CATSPERT: variants seen among roughly 807,000 people sequenced by gnomAD.
CATSPERT encodes catsper channel auxiliary subunit tau.
At chr2:201,545,539 T>C in the CATSPERT span, 44 of 1,481,146 alleles carry the variant, frequency 3.0e-5, no homozygotes, top group Non-Finnish European at 3.9e-5. Flanking sequence ...AAGTAGTTTC[T>C]TACCTACTCC....
chr2:201,554,983 G>T, the CATSPERT span: 1 of 152,110 alleles, frequency 6.6e-6, no homozygotes, highest in Non-Finnish European at 1.5e-5. Context: ...ATGCATTATA[G>T]CATTTATGGT....
At chr2:201,599,001 G>A in the CATSPERT span, among the ~76,000 whole-genome samples, 9 of 152,052 alleles carry the variant, frequency 5.9e-5, no homozygotes, top group Admixed American at 1.3e-4. Flanking sequence ...ATTCAAACTA[G>A]CCAATCCTAA....
At chr2:201,563,288 C>A in the CATSPERT span, among the ~76,000 whole-genome samples, 1 of 145,520 alleles carries the variant, frequency 6.9e-6, no homozygotes, top group African/African-American at 2.6e-5. Context: ...CCCCTCACCT[C>A]CCGGACGGGG....
the CATSPERT span, among the ~76,000 whole-genome samples, chr2:201,594,711 C>T: frequency 6.6e-5 from 10 of 151,886 alleles, no homozygotes; most frequent in Admixed American, 2.6e-4. Flanking sequence ...CTTCCCTTCT[C>T]ACTTCATTTC....
chr2:201,492,329 G>A, the CATSPERT span: 25 of 1,535,832 alleles, frequency 1.6e-5, no homozygotes, highest in South Asian at 3.0e-4. Context: ...TTTGTCATTA[G>A]TCCTGATTTT....
chr2:201,580,769 C>T, the CATSPERT span, among the ~76,000 whole-genome samples: 1 of 152,114 alleles, frequency 6.6e-6, no homozygotes, highest in Non-Finnish European at 1.5e-5. Flanking sequence ...ACTCTGAGTT[C>T]AACACAACCA....
the CATSPERT span, among the ~76,000 whole-genome samples, chr2:201,597,041 G>A: frequency 6.6e-6 from 1 of 152,138 alleles, no homozygotes; most frequent in Non-Finnish European, 1.5e-5. Flanking sequence ...AGAGACTCTG[G>A]ATTTTTTAAA....
the CATSPERT span, among the ~76,000 whole-genome samples, chr2:201,593,347 T>C: frequency 2.6e-5 from 4 of 151,576 alleles, no homozygotes; most frequent in African/African-American, 9.7e-5. Context: ...GTCTGAGAAA[T>C]AGTTTGTTAT....
At chr2:201,537,482 G>A in the CATSPERT span, 2 of 1,582,440 alleles carry the variant, frequency 1.3e-6, no homozygotes, top group East Asian at 4.5e-5. Flanking sequence ...AGGGATATCT[G>A]CTTAAACAAT....
the CATSPERT span, chr2:201,557,331 C>T: frequency 6.6e-6 from 1 of 152,214 alleles, no homozygotes; most frequent in African/African-American, 2.4e-5. Flanking sequence ...ATCATTTTTA[C>T]TTATCAAATG....
the CATSPERT span, among the ~76,000 whole-genome samples, chr2:201,563,379 A>C: frequency 1.2e-4 from 11 of 92,066 alleles, no homozygotes; most frequent in South Asian, 3.8e-4. Context: ...TGACCCCCCC[A>C]CCTCCCTCCC....
chr2:201,534,763 CTAAA>C, the CATSPERT span: 3 of 934,164 alleles, frequency 3.2e-6, no homozygotes, highest in Non-Finnish European at 3.7e-6. Context: ...ATCCACAGAT[CTAAA>C]TAAATAAGCA....
the CATSPERT span, chr2:201,492,827 T>C: frequency 3.9e-6 from 6 of 1,536,518 alleles, no homozygotes; most frequent in East Asian, 1.2e-4. Context: ...AAGTCCTCCT[T>C]GGTGATATGT....
the CATSPERT span, among the ~76,000 whole-genome samples, chr2:201,525,022 A>G: frequency 0.013 from 1,993 of 152,304 alleles, 47 homozygotes; most frequent in African/African-American, 0.045. Context: ...ACAGTGGGAG[A>G]CTTTGACACC....
the CATSPERT span, among the ~76,000 whole-genome samples, chr2:201,502,350 G>A: frequency 6.6e-6 from 1 of 151,996 alleles, no homozygotes; most frequent in African/African-American, 2.4e-5. Context: ...GACATGGGAG[G>A]ATCACGAGGT....
At chr2:201,516,392 G>A in the CATSPERT span, among the ~76,000 whole-genome samples, 6 of 152,180 alleles carry the variant, frequency 3.9e-5, no homozygotes, top group Non-Finnish European at 5.9e-5. Flanking sequence ...AGAGAAGCAA[G>A]CACCTTCTTT....
the CATSPERT span, chr2:201,494,625 G>A: frequency 3.9e-6 from 6 of 1,537,100 alleles, no homozygotes; most frequent in Admixed American, 9.8e-5. Flanking sequence ...GAGGATCCTG[G>A]TCTTCATGCT....
chr2:201,515,147 G>T, the CATSPERT span, among the ~76,000 whole-genome samples: 1 of 140,014 alleles, frequency 7.1e-6, no homozygotes, highest in Non-Finnish European at 1.5e-5. Context: ...GGGGATCAAA[G>T]AGATAGTTTT....
At chr2:201,487,930 G>A in the CATSPERT span, 1 of 1,508,378 alleles carries the variant, frequency 6.6e-7, no homozygotes, top group East Asian at 2.3e-5. Flanking sequence ...AGATCCAATT[G>A]GTAAATTAGG....
Sources: gnomAD v4.1 joint callset for allele counts (sites outside exome capture counted in the v4.1 genomes callset) on GRCh38, gnomAD v4.1.1 for gene constraint, MANE v1.5 for transcripts, NCBI Gene and HGNC (gene_info 2026-07-23, HGNC 2026-07-21) for gene names.